DNER: variants seen among roughly 807,000 people sequenced by gnomAD.
DNER encodes delta/notch like EGF repeat containing, also known as delta and Notch-like epidermal growth factor-related receptor.
Under a neutral mutation model 78.2 loss-of-function variants are expected in DNER, and 33 were observed. That is an observed-to-expected ratio of 0.42 (90% CI 0.32 to 0.56). The LOEUF (loss-of-function observed/expected upper bound fraction) is 0.56, where lower values mean the gene tolerates loss of function less well. DNER is among the 20% of genes least tolerant of loss of function. DNER has a pLI of 0.11. For synonymous variants in DNER, 417 were observed against 384.8 expected, an observed-to-expected ratio of 1.08 and a Z score of -0.98; for missense variants, 918 against 975.3, an observed-to-expected ratio of 0.94 and a Z score of 0.78.
chr2:229,459,592 C>T (rs1694647839), intron 7 of DNER, among the ~76,000 whole-genome samples: 1 of 152,072 alleles, frequency 6.6e-6, no homozygotes, highest in Admixed American at 6.5e-5. Context: ...AGGGAACTAA[C>T]CTAGAAACAC....
intron 4 of DNER, among the ~76,000 whole-genome samples, chr2:229,584,908 AAAAG>A (rs1697471329): frequency 6.6e-6 from 1 of 151,848 alleles, no homozygotes; most frequent in Non-Finnish European, 1.5e-5. Flanking sequence ...AAAAAAAAAA[AAAAG>A]AAGAAGAAAA....
chr2:229,524,638 T>A (rs2154212658), intron 5 of DNER, among the ~76,000 whole-genome samples: 1 of 152,198 alleles, frequency 6.6e-6, no homozygotes, highest in African/African-American at 2.4e-5. Context: ...CCAAACCCCA[T>A]CCCCCAGTCT....
chr2:229,691,527 G>T (rs1186957935), intron 1 of DNER, among the ~76,000 whole-genome samples: 1 of 151,764 alleles, frequency 6.6e-6, no homozygotes, highest in Non-Finnish European at 1.5e-5. Flanking sequence ...GAAACTCAAA[G>T]GATAATAGTT....
At position 229,358,593 on chromosome 2, in the gene DNER, AATC is replaced by A. The variant is rs1692141745; in HGVS notation, c.2158_2160del (p.Asp720del). ...ACCAAGGGTTTGTCATCAGGACTGT[AATC>A]TTCATAGGCGATGGGGCTCACATCA... On this transcript the variant is annotated inframe_deletion, in exon 13 of 13. Coordinates refer to ENST00000341772, the MANE Select transcript of DNER (RefSeq NM_139072.4). The A allele has an allele frequency of 5.6e-6, 9 of 1,613,920 alleles. No homozygotes were observed. Among genetic ancestry groups the A allele is most frequent in the Middle Eastern group, 1.6e-4 (1 of 6,080 alleles).
rs1306059973 is a variant in DNER at position 229,615,539 on chromosome 2, C to T, written c.277-23651G>A. Among the ~76,000 whole-genome samples, 3 of 151,912 alleles carry T rather than the reference C, an allele frequency of 2.0e-5. No homozygotes were observed. In the East Asian group the frequency reaches 5.8e-4, roughly 29 times the overall value. On this transcript the variant is annotated intron_variant, in intron 1 of 12. Transcript: ENST00000341772. ...CCTGGCTAACATGGTGAAACCCTAT[C>T]TCTACTAAAAATACAAAAAAAAATT...
At chr2:229,651,071 C>T (rs1289553615) in intron 1 of DNER, among the ~76,000 whole-genome samples, 1 of 152,166 alleles carries the variant, frequency 6.6e-6, no homozygotes, top group Non-Finnish European at 1.5e-5. Flanking sequence ...TTCAGCCTCG[C>T]TCTAATTCGA....
intron 1 of DNER, among the ~76,000 whole-genome samples, chr2:229,605,509 A>C (rs1697917573): frequency 6.6e-6 from 1 of 152,220 alleles, no homozygotes; most frequent in African/African-American, 2.4e-5. Flanking sequence ...AGAAGGCTAG[A>C]AGAACCCACT....
At chr2:229,585,217 G>T (rs1438074345) in intron 4 of DNER, among the ~76,000 whole-genome samples, 1 of 152,162 alleles carries the variant, frequency 6.6e-6, no homozygotes, top group African/African-American at 2.4e-5. Context: ...ACAATTTCTG[G>T]AAAAAGAAGC....
chr2:229,378,741 G>T (rs569931323), intron 11 of DNER, among the ~76,000 whole-genome samples: 9 of 152,284 alleles, frequency 5.9e-5, no homozygotes, highest in Middle Eastern at 3.4e-3. Flanking sequence ...GTTAGAAAGA[G>T]ACCTCAGAGG....
intron 1 of DNER, among the ~76,000 whole-genome samples, chr2:229,663,345 C>T (rs1699038492): frequency 1.3e-5 from 2 of 152,104 alleles, no homozygotes; most frequent in African/African-American, 4.8e-5. Context: ...GACATCACTC[C>T]AAAGCCAATT....
intron 5 of DNER, among the ~76,000 whole-genome samples, chr2:229,541,396 C>A (rs550750972): frequency 6.6e-5 from 10 of 152,238 alleles, no homozygotes; most frequent in African/African-American, 2.4e-4. Context: ...GATATTTGGT[C>A]AAACATCATT....
intron 10 of DNER, among the ~76,000 whole-genome samples, chr2:229,397,828 GA>G (rs1693182258): frequency 1.3e-5 from 2 of 152,148 alleles, no homozygotes; most frequent in Admixed American, 1.3e-4. Context: ...TAAATTGACT[GA>G]AAATGAAAAT....
At chr2:229,556,948 T>C (rs1401637137) in intron 4 of DNER, among the ~76,000 whole-genome samples, 1 of 152,178 alleles carries the variant, frequency 6.6e-6, no homozygotes, top group African/African-American at 2.4e-5. Context: ...AGTTAGTTGT[T>C]TATATCTCCC....
At chr2:229,589,903 GTAATACAAA>G (rs1280509284) in intron 2 of DNER, among the ~76,000 whole-genome samples, 3 of 72,292 alleles carry the variant, frequency 4.1e-5, no homozygotes, top group African/African-American at 1.4e-4. Context: ...AAGCTGTGTG[GTAATACAAA>G]AAAAAAAAAA....
At chr2:229,679,827 C>T (rs1161275435) in intron 1 of DNER, among the ~76,000 whole-genome samples, 1 of 152,212 alleles carries the variant, frequency 6.6e-6, no homozygotes, top group Non-Finnish European at 1.5e-5. Context: ...CATGTCCTAA[C>T]ATCTTTCACA....
chr2:229,601,453 T>C (rs761195711), intron 1 of DNER, among the ~76,000 whole-genome samples: 3 of 152,218 alleles, frequency 2.0e-5, no homozygotes, highest in Non-Finnish European at 4.4e-5. Flanking sequence ...AATCAAGAAC[T>C]ATATGTCTTA....
rs192218124 is a variant in DNER, at chr2:229,361,772, C to A, written c.2103-3121G>T. On this transcript the variant is annotated intron_variant, in intron 12 of 12. Transcript: ENST00000341772. ...ATATTTTAACAAAATTGAGAAAATA[C>A]TCTGAATACTGTATTGAGACTGACT... Among the ~76,000 whole-genome samples the A allele has an allele frequency of 7.7e-3, 1,163 of 151,904 alleles. 23 individuals are homozygous for A. The highest frequency in any genetic ancestry group is 0.027 in the African/African-American group (1,119 of 41,384).
chr2:229,421,837 T>C (rs1693773220), intron 8 of DNER, among the ~76,000 whole-genome samples: 1 of 152,114 alleles, frequency 6.6e-6, no homozygotes, highest in Non-Finnish European at 1.5e-5. Flanking sequence ...ACAATCAACA[T>C]GGAAGGGTAA....
At chr2:229,688,736 C>T (rs1235134528) in intron 1 of DNER, among the ~76,000 whole-genome samples, 11 of 152,124 alleles carry the variant, frequency 7.2e-5, no homozygotes, top group Non-Finnish European at 1.5e-4. Context: ...GTAGCAAAGA[C>T]ATGGAATCAG....
Sources: allele counts gnomAD v4.1 joint callset (sites outside exome capture counted in the v4.1 genomes callset), GRCh38; gene constraint gnomAD v4.1.1; transcripts MANE v1.5; gene names NCBI Gene and HGNC (gene_info 2026-07-23, HGNC 2026-07-21).